Variants in ELL2 observed in about 807,000 individuals in gnomAD.
ELL2 encodes RNA polymerase II elongation factor ELL2.
Under a neutral mutation model 72.8 loss-of-function variants are expected in ELL2, and 21 were observed. That is an observed-to-expected ratio of 0.29 (90% confidence interval 0.20 to 0.42). The LOEUF (loss-of-function observed/expected upper bound fraction) is 0.42, where lower values mean the gene tolerates loss of function less well. Among genes scored for constraint, ELL2 ranks in the 10% least tolerant of loss-of-function variants. The pLI is 1.00. For missense variants in ELL2, 568 were observed against 772.8 expected (o/e 0.73, Z 3.14); for synonymous variants, 266 against 283.2 (o/e 0.94, Z 0.61).
chr5:95,924,396 T>C (rs1750212204), intron 2 of ELL2, among the ~76,000 whole-genome samples: 1 of 152,126 alleles, frequency 6.6e-6, no homozygotes. Context: ...AGTTTTGAGG[T>C]CTGATTTTGA....
chr5:95,945,073 T>C (rs1751105843), intron 1 of ELL2, among the ~76,000 whole-genome samples: 1 of 152,134 alleles, frequency 6.6e-6, no homozygotes, highest in Non-Finnish European at 1.5e-5. Flanking sequence ...TAACTCTGAA[T>C]CTCTTCTCCA....
At chr5:95,929,819 C>T (rs1050568109) in intron 2 of ELL2, among the ~76,000 whole-genome samples, 1 of 150,988 alleles carries the variant, frequency 6.6e-6, no homozygotes, top group Non-Finnish European at 1.5e-5. Flanking sequence ...AAAACCCCCA[C>T]ACAGCTGCCT....
intron 2 of ELL2, among the ~76,000 whole-genome samples, chr5:95,931,559 C>G (rs1357943730): frequency 2.0e-5 from 3 of 151,978 alleles, no homozygotes; most frequent in African/African-American, 7.3e-5. Context: ...GGCTACAAGT[C>G]TTCTGGGTCA....
At chr5:95,920,399 C>T (rs538048038) in intron 2 of ELL2, among the ~76,000 whole-genome samples, 2 of 151,756 alleles carry the variant, frequency 1.3e-5, no homozygotes, top group Non-Finnish European at 2.9e-5. Context: ...CAACCTCCAC[C>T]TCCCCGGTTC....
At position 95,921,607 on chromosome 5, in the gene ELL2, C is replaced by T. The variant is rs545299526; in HGVS notation, c.196-2062G>A. Reference sequence around the variant, plus strand: ...GTTGGCATACATATATTGGCAACTTCTTAATCCTACAGCAGTAGAGGCAAA... The same window carrying T: ...GTTGGCATACATATATTGGCAACTTTTTAATCCTACAGCAGTAGAGGCAAA... On this transcript the variant is annotated intron_variant, in intron 2 of 11. Transcript: ENST00000237853. Among the ~76,000 whole-genome samples, 113 of 152,320 alleles carry T rather than the reference C, an allele frequency of 7.4e-4. 1 individual carries two copies. Among genetic ancestry groups the T allele is most frequent in the African/African-American group, 2.1e-3 (89 of 41,570 alleles).
chr5:95,897,747 A>C (rs555147729), intron 8 of ELL2, among the ~76,000 whole-genome samples: 19 of 152,256 alleles, frequency 1.2e-4, no homozygotes, highest in Non-Finnish European at 2.6e-4. Context: ...AGATGATGTT[A>C]TGAATCTGCA....
Position 95,961,557 on chromosome 5 carries a change from G to T in ELL2, c.147+18C>A, listed in dbSNP as rs780669418. On this transcript the variant is annotated intron_variant, in intron 1 of 11. Coordinates refer to ENST00000237853, the MANE Select transcript of ELL2 (RefSeq NM_012081.6). ...CGCTCTGCCTCTCTGAGCCCAGCCTGCCGGCCGGCCCGCTCACCTTGTGGC... is the reference window on the plus strand; with the variant it reads ...CGCTCTGCCTCTCTGAGCCCAGCCTTCCGGCCGGCCCGCTCACCTTGTGGC... The T allele has an allele frequency of 3.3e-5, 52 of 1,563,630 alleles. 1 individual carries two copies. In the South Asian group the frequency reaches 5.5e-4, roughly 16 times the overall value.
At chr5:95,939,597 G>T (rs6884848) in intron 2 of ELL2, among the ~76,000 whole-genome samples, 2,425 of 152,166 alleles carry the variant, frequency 0.016, 52 homozygotes, top group African/African-American at 0.056. Flanking sequence ...CCCTAGCAGT[G>T]TGAAGAACAA....
intron 7 of ELL2, among the ~76,000 whole-genome samples, chr5:95,899,460 T>G (rs1749043284): frequency 6.6e-6 from 1 of 152,014 alleles, no homozygotes; most frequent in South Asian, 2.1e-4. Context: ...TTAATTTTTT[T>G]TTTTACCGTT....
intron 1 of ELL2, among the ~76,000 whole-genome samples, chr5:95,957,766 TA>T (rs1258636254): frequency 6.6e-6 from 1 of 151,978 alleles, no homozygotes; most frequent in Non-Finnish European, 1.5e-5. Context: ...TGAGGAATTG[TA>T]ATTTGAAAAA....
intron 1 of ELL2, among the ~76,000 whole-genome samples, chr5:95,944,329 T>C (rs7705720): frequency 0.28 from 42,333 of 152,038 alleles, 6,757 homozygotes; most frequent in African/African-American, 0.45. Context: ...AACATTATAA[T>C]GGATACTGTT....
At chr5:95,944,990 G>A (rs1259221994) in intron 1 of ELL2, among the ~76,000 whole-genome samples, 1 of 152,016 alleles carries the variant, frequency 6.6e-6, no homozygotes, top group South Asian at 2.1e-4. Context: ...CTTTCATTTC[G>A]AAAGGCTAGT....
chr5:95,950,890 G>A lies in ELL2; in HGVS notation c.148-7841C>T, dbSNP rs1301961317. 1.9e-3 allele frequency among the ~76,000 whole-genome samples: 103 copies of A among 53,438 alleles called. 1 individual carries two copies. The highest frequency in any genetic ancestry group is 5.9e-3 in the African/African-American group (85 of 14,518). 35.1% of individuals were successfully genotyped at this position (53,438 alleles called of 152,430 possible). On this transcript the variant is annotated intron_variant, in intron 1 of 11. Coordinates refer to ENST00000237853, the MANE Select transcript of ELL2 (RefSeq NM_012081.6). ...CCAAGTTTTATTTATATATATATAT[G>A]TATGTATGTATGTGTATATATATAT...
rs779799397 is a variant in ELL2, at chr5:95,888,916, C to T, written c.1878G>A (p.Arg626=). The change falls in exon 12 of 12, where the codon AGG becomes AGA. Residue 626 remains arginine, a synonymous_variant. Transcript: ENST00000237853. ...YLHNKLAHIK[R]LIGEFDQQQA... ...GCTGTTGGTCAAATTCACCTATTAG[C>T]CTTTTGATGTGAGCCAGCTTGTTAT... 16 of 1,610,226 alleles carry T rather than the reference C, an allele frequency of 9.9e-6. No individual in the cohort carries two copies. The South Asian group carries it at 1.5e-4, about 16-fold the overall frequency.
intron 1 of ELL2, among the ~76,000 whole-genome samples, chr5:95,958,534 T>C (rs994084454): frequency 6.6e-6 from 1 of 152,202 alleles, no homozygotes; most frequent in Admixed American, 6.5e-5. Flanking sequence ...TTCATCCAAC[T>C]GAGGTTGACA....
intron 3 of ELL2, among the ~76,000 whole-genome samples, chr5:95,915,442 C>T (rs1214319758): frequency 6.6e-6 from 1 of 152,218 alleles, no homozygotes; most frequent in Non-Finnish European, 1.5e-5. Context: ...TTTACAAATG[C>T]TATTTAAGAA....
chr5:95,952,088 G>A (rs929483017), intron 1 of ELL2, among the ~76,000 whole-genome samples: 1 of 152,182 alleles, frequency 6.6e-6, no homozygotes, highest in Admixed American at 6.5e-5. Flanking sequence ...ATTAAGAAAA[G>A]GTGGTACATA....
At chr5:95,905,200 G>A (rs1580489616) in intron 5 of ELL2, among the ~76,000 whole-genome samples, 1 of 151,642 alleles carries the variant, frequency 6.6e-6, no homozygotes, top group Admixed American at 6.6e-5. Context: ...CTCATGCCTC[G>A]CTTGGGGGTA....
chr5:95,958,796 A>G (rs1751710540), intron 1 of ELL2, among the ~76,000 whole-genome samples: 1 of 152,220 alleles, frequency 6.6e-6, no homozygotes, highest in Non-Finnish European at 1.5e-5. Flanking sequence ...CTGCCTCTGT[A>G]GAGACCAACC....
Sources: allele counts gnomAD v4.1 joint callset (sites outside exome capture counted in the v4.1 genomes callset), GRCh38; gene constraint gnomAD v4.1.1; transcripts MANE v1.5; gene names NCBI Gene and HGNC (gene_info 2026-07-23, HGNC 2026-07-21).